The following OXNAD1 variants were observed in gnomAD, a reference collection of about 807,000 sequenced individuals.
OXNAD1 encodes the protein oxidoreductase NAD binding domain containing 1.
OXNAD1 carries 34 observed loss-of-function variants against 32.9 expected under a neutral mutation model. The observed-to-expected ratio is 1.03, with a 90% confidence interval of 0.79 to 1.38. The LOEUF is 1.38. Ranked by LOEUF, OXNAD1 falls within the 40% of genes most tolerant of loss-of-function variation. The pLI is 0.00. For synonymous variants in OXNAD1, 134 were observed against 135.2 expected, an observed-to-expected ratio of 0.99 and a Z score of 0.06; for missense variants, 407 against 379.4, an observed-to-expected ratio of 1.07 and a Z score of -0.60.
rs983457781 is a variant in OXNAD1 at position 16,345,575 on chromosome 3, G to A, written c.*31-3601G>A. 2.6e-5 allele frequency among the ~76,000 whole-genome samples: 4 copies of A among 152,158 alleles called. No individual in the cohort carries two copies. The highest frequency in any genetic ancestry group is 4.8e-5 in the African/African-American group (2 of 41,490). On this transcript the variant is annotated intron_variant, in intron 9 of 9. Transcript: ENST00000606098. The surrounding 1 kb of genome is among the most constrained non-coding windows in gnomAD (Gnocchi z 5.2). Reference sequence around the variant, plus strand: ...GGTGGAGGAAGGCTGAATTAACACCGCCTGACTGCTTGAACAGGAACGTCC... The same window carrying A: ...GGTGGAGGAAGGCTGAATTAACACCACCTGACTGCTTGAACAGGAACGTCC...
intron 6 of OXNAD1, among the ~76,000 whole-genome samples, chr3:16,296,149 C>T (rs879635243): frequency 1.3e-5 from 2 of 152,208 alleles, no homozygotes; most frequent in Admixed American, 6.5e-5. Context: ...AAGAATCACA[C>T]AGGCAAATCA....
At chr3:16,311,181 TA>T (rs1559785381) in intron 9 of OXNAD1, among the ~76,000 whole-genome samples, 1 of 130,504 alleles carries the variant, frequency 7.7e-6, no homozygotes, top group Non-Finnish European at 1.6e-5. Context: ...GGTCTTTTTT[TA>T]AAAATATTAT....
chr3:16,301,599 T>G lies in OXNAD1; in HGVS notation c.433-27T>G, dbSNP rs564740227. 2 of 1,612,226 alleles carry G rather than the reference T, an allele frequency of 1.2e-6. No homozygotes were observed. The highest frequency in any genetic ancestry group is 1.3e-5 in the African/African-American group (1 of 74,932). On this transcript the variant is annotated intron_variant, in intron 6 of 8. Coordinates refer to ENST00000285083, the MANE Select transcript of OXNAD1 (RefSeq NM_138381.5). This position sits in a 1 kb window ranked among gnomAD's most constrained non-coding sequence, Gnocchi z 4.1. ...GTTTAAGACCTTTGCTACAAAAGAC[T>G]AAAAGGTCTTTTCTTTCCTGCCTTA...
Position 16,271,737 on chromosome 3 carries a change from G to T in OXNAD1, c.183+15G>T, listed in dbSNP as rs2064958332. 6.2e-7 allele frequency: 1 copy of T among 1,600,388 alleles called. No homozygotes were observed. The highest frequency in any genetic ancestry group is 1.8e-5 in the Admixed American group (1 of 56,240). ...TTCGACGGGAGGTTTGTATCTTTGG[G>T]GTATGACAGGTTTTTCCAGCTAGAC... On this transcript the variant is annotated intron_variant, in intron 4 of 8. Coordinates refer to ENST00000285083, the MANE Select transcript of OXNAD1 (RefSeq NM_138381.5). The surrounding 1 kb of genome is among the most constrained non-coding windows in gnomAD (Gnocchi z 4.6).
chr3:16,269,934 G>A (rs553374157), intron 2 of OXNAD1, among the ~76,000 whole-genome samples: 4 of 152,298 alleles, frequency 2.6e-5, no homozygotes, highest in African/African-American at 9.6e-5. Context: ...TTTAAAAATT[G>A]ACATAGGAAA....
rs114261824 is a variant in OXNAD1 at position 16,322,270 on chromosome 3, C to T, written c.*31-14842C>T. On this transcript the variant is annotated intron_variant, in intron 9 of 9. Transcript: ENST00000435829. The surrounding 1 kb of genome is among the most constrained non-coding windows in gnomAD (Gnocchi z 6.2). ...GAGCCTGGAGAAAGACCTTCCTCCA[C>T]ACTCCAGCCCATCTGGCTTCAAGTC... 7.0e-4 allele frequency among the ~76,000 whole-genome samples: 107 copies of T among 152,360 alleles called. 1 individual carries two copies. The highest frequency in any genetic ancestry group is 1.2e-3 in the Non-Finnish European group (80 of 68,038).
Position 16,317,159 on chromosome 3 carries a change from C to A in OXNAD1, c.*30+13567C>A. The stretch of plus-strand genomic sequence containing the variant: ...ATTTTCTTCTGCTTGTTGTTTGTCT[C>A]TGGCACTGAGTTTACCTTTTGATTT... On this transcript the variant is annotated intron_variant, in intron 9 of 9. Transcript: ENST00000435829. This position sits in a 1 kb window ranked among gnomAD's most constrained non-coding sequence, Gnocchi z 4.3. 1 of 1,613,710 alleles carries A rather than the reference C, an allele frequency of 6.2e-7. No homozygotes were observed.
chr3:16,317,299 T>G lies in OXNAD1; in HGVS notation c.*30+13707T>G. The G allele has an allele frequency of 2.0e-6, 3 of 1,531,568 alleles. No homozygotes were observed. The highest frequency in any genetic ancestry group is 3.6e-5 in the Admixed American group (2 of 55,336). The allele number at this position is 1,531,568 out of a possible 1,614,324, so 94.9% of individuals were successfully genotyped here. On this transcript the variant is annotated intron_variant, in intron 9 of 9. Coordinates refer to the OXNAD1 transcript ENST00000435829. The surrounding 1 kb of genome is among the most constrained non-coding windows in gnomAD (Gnocchi z 4.3). ...GAACCCAGAGCTTCACCCAAAGCCT[T>G]GTTTGCATTCATACCCACACCATGT...
At chr3:16,350,387 G>A (rs1335203914), downstream of OXNAD1, 3 of 152,154 alleles carry the variant, frequency 2.0e-5, no homozygotes, top group African/African-American at 4.8e-5. Flanking sequence ...TGAAATTGCT[G>A]AGTCATGGAT....
chr3:16,308,598 G>GA (rs2067737094), downstream of OXNAD1, among the ~76,000 whole-genome samples: 4 of 152,146 alleles, frequency 2.6e-5, 1 homozygote. This position sits in a 1 kb window ranked among gnomAD's most constrained non-coding sequence, Gnocchi z 4.4. Context: ...ATCTTAAACA[G>GA]TGAGATGTCT....
At position 16,287,809 on chromosome 3, in the gene OXNAD1, TAG is replaced by T. The variant is rs1428349749; in HGVS notation, c.290+1364_290+1365del. Among the ~76,000 whole-genome samples the T allele has an allele frequency of 6.6e-6, 1 of 152,222 alleles. No homozygotes were observed. Among genetic ancestry groups the T allele is most frequent in the East Asian group, 1.9e-4 (1 of 5,198 alleles). ...CATTCCCTAGTGATATTTGTAGAAA[TAG>T]AGTCCTACTGTGATTCTCAAGATGA... On this transcript the variant is annotated intron_variant, in intron 5 of 8. Transcript: ENST00000285083. The surrounding 1 kb of genome is among the most constrained non-coding windows in gnomAD (Gnocchi z 4.8).
intron 9 of OXNAD1, among the ~76,000 whole-genome samples, chr3:16,311,662 T>A (rs2067991274): frequency 6.6e-6 from 1 of 152,168 alleles, no homozygotes; most frequent in South Asian, 2.1e-4. Flanking sequence ...TGCTTCTGAA[T>A]AACTCTCAAA....
In OXNAD1 at chr3:16,269,146, T is replaced by TGCATGGAAAA. The variant is rs1376340756; in HGVS notation, c.-135_-126dup. 6.7e-7 allele frequency: 1 copy of TGCATGGAAAA among 1,490,540 alleles called. No homozygotes were observed. The highest frequency in any genetic ancestry group is 8.9e-7 in the Non-Finnish European group (1 of 1,128,012). The allele number at this position is 1,490,540 out of a possible 1,614,324, so 92.3% of individuals were successfully genotyped here. Reference sequence around the variant, plus strand: ...TGCAGGAACTTTGTGAGAATTTTAATGCATGGAAAAGCTGTCCATGTTCCA... The same window carrying TGCATGGAAAA: ...TGCAGGAACTTTGTGAGAATTTTAATGCATGGAAAAGCATGGAAAAGCTGTCCATGTTCCA... On this transcript the variant is annotated 5_prime_UTR_variant, in exon 2 of 9. In the 5' UTR this introduces an upstream ATG that the reference lacks. Coordinates refer to ENST00000285083, the MANE Select transcript of OXNAD1 (RefSeq NM_138381.5).
downstream of OXNAD1, among the ~76,000 whole-genome samples, chr3:16,342,162 C>A (rs2071359160): frequency 6.6e-6 from 1 of 152,122 alleles, no homozygotes; most frequent in South Asian, 2.1e-4. This position sits in a 1 kb window ranked among gnomAD's most constrained non-coding sequence, Gnocchi z 4.0. Flanking sequence ...TCATCACCCC[C>A]CACACCAATA....
intron 9 of OXNAD1, chr3:16,313,836 A>C (rs147758688): frequency 6.6e-6 from 1 of 152,148 alleles, no homozygotes; most frequent in South Asian, 2.1e-4. Context: ...CAGGCTTTCC[A>C]TGTGTCAGTA....
chr3:16,273,979 T>C (rs555886828), intron 4 of OXNAD1, among the ~76,000 whole-genome samples: 2 of 152,046 alleles, frequency 1.3e-5, no homozygotes, highest in Non-Finnish European at 2.9e-5. Context: ...TTAATTTTAA[T>C]AAAATATACA....
intron 4 of OXNAD1, among the ~76,000 whole-genome samples, chr3:16,281,899 T>C (rs1455252926): frequency 1.4e-5 from 2 of 145,568 alleles, no homozygotes; most frequent in East Asian, 2.0e-4. Context: ...ACATTTCTTT[T>C]TTTTTTTTTT....
chr3:16,297,956 A>G lies in OXNAD1; in HGVS notation c.432+2959A>G, dbSNP rs1232766842. 6.6e-6 allele frequency among the ~76,000 whole-genome samples: 1 copy of G among 152,222 alleles called. No homozygotes were observed. Among genetic ancestry groups the G allele is most frequent in the Non-Finnish European group, 1.5e-5 (1 of 68,044 alleles). ...AATTCATAGAACCGTATACCAAAAG[A>G]AAAAGATTTCTATTAAGGAAATTTT... On this transcript the variant is annotated intron_variant, in intron 6 of 8. Transcript: ENST00000285083. This position sits in a 1 kb window ranked among gnomAD's most constrained non-coding sequence, Gnocchi z 4.3.
chr3:16,308,307 G>C (rs1037315881), downstream of OXNAD1, among the ~76,000 whole-genome samples: 31 of 152,292 alleles, frequency 2.0e-4, no homozygotes, highest in African/African-American at 7.5e-4. This position sits in a 1 kb window ranked among gnomAD's most constrained non-coding sequence, Gnocchi z 4.4. Flanking sequence ...TGGAATGATG[G>C]ATCTTAGGGG....
Sources: gnomAD v4.1 joint callset for allele counts (sites outside exome capture counted in the v4.1 genomes callset) on GRCh38, gnomAD v4.1.1 for gene constraint, Gnocchi (gnomAD v3.1) non-coding constraint, MANE v1.5 for transcripts, NCBI Gene and HGNC (gene_info 2026-07-23, HGNC 2026-07-21) for gene names.